The following SPRR1A variants were observed in gnomAD, a reference collection of about 807,000 sequenced individuals.
The protein encoded by SPRR1A is cornifin-A.
For synonymous variants in SPRR1A, 40 were observed against 39.2 expected, an observed-to-expected ratio of 1.02 and a Z score of -0.07; for missense variants, 123 against 105.4, an observed-to-expected ratio of 1.17 and a Z score of -0.73.
At chr1:152,985,090 G>T, upstream of SPRR1A, 1 of 1,185,124 alleles carries the variant, frequency 8.4e-7, no homozygotes, top group South Asian at 1.7e-5. Context: ...TAAATGTAAT[G>T]GGGGAGTTAA....
chr1:152,985,221 C>CTGAG, upstream of SPRR1A: 1 of 1,594,170 alleles, frequency 6.3e-7, no homozygotes, highest in Non-Finnish European at 8.5e-7. Flanking sequence ...GAAAAAAACA[C>CTGAG]ATTTGAAGCA....
downstream of SPRR1A, chr1:152,985,501 T>C (rs1440890319): frequency 3.1e-6 from 5 of 1,611,884 alleles, no homozygotes; most frequent in Non-Finnish European, 4.2e-6. Flanking sequence ...GCAGAAGTAA[T>C]GTGGTCCACA....
chr1:152,984,441 C>G (rs1022524758), upstream of SPRR1A, among the ~76,000 whole-genome samples: 15 of 152,066 alleles, frequency 9.9e-5, no homozygotes, highest in African/African-American at 3.6e-4. Flanking sequence ...TTCCCCCTGA[C>G]AAGATATTTA....
chr1:152,985,292 T>G (rs1570948637), exon 1 of SPRR1A: 2 of 1,613,290 alleles, frequency 1.2e-6, no homozygotes, highest in Non-Finnish European at 1.7e-6. Flanking sequence ...CAGCAGCAGG[T>G]GAAACAACCT....
upstream of SPRR1A, chr1:152,985,110 A>C (rs1014719112): frequency 7.2e-7 from 1 of 1,381,192 alleles, no homozygotes; most frequent in Non-Finnish European, 9.8e-7. Context: ...AGGGAGATGA[A>C]AGGCTTTCTC....
downstream of SPRR1A, chr1:152,985,548 C>T: frequency 6.4e-7 from 1 of 1,562,858 alleles, no homozygotes; most frequent in Middle Eastern, 1.7e-4. Flanking sequence ...GGATACTGAA[C>T]ACCCTACTCC....
chr1:152,985,655 C>G (rs908697260), downstream of SPRR1A, among the ~76,000 whole-genome samples: 1 of 152,154 alleles, frequency 6.6e-6, no homozygotes, highest in African/African-American at 2.4e-5. Flanking sequence ...AAAGATGTCC[C>G]TTACCCTCAT....
upstream of SPRR1A, among the ~76,000 whole-genome samples, chr1:152,984,113 C>T (rs1165680880): frequency 6.6e-6 from 1 of 152,134 alleles, no homozygotes; most frequent in African/African-American, 2.4e-5. Context: ...GCCCATTCTG[C>T]TCCGTATACC....
chr1:152,985,150 T>C (rs1252758113), upstream of SPRR1A: 1 of 1,519,178 alleles, frequency 6.6e-7, no homozygotes, highest in African/African-American at 1.4e-5. Flanking sequence ...AAAATCTGTT[T>C]GGCATTGAAT....
upstream of SPRR1A, among the ~76,000 whole-genome samples, chr1:152,984,402 G>A (rs889688277): frequency 6.6e-6 from 1 of 152,102 alleles, no homozygotes; most frequent in South Asian, 2.1e-4. Context: ...TAGAACTCAG[G>A]CCCAGAGCAC....
upstream of SPRR1A, among the ~76,000 whole-genome samples, chr1:152,984,201 G>A (rs985679065): frequency 6.6e-6 from 1 of 152,198 alleles, no homozygotes; most frequent in Non-Finnish European, 1.5e-5. Context: ...AGGCAAATAT[G>A]TGTAAGCAGG....
chr1:152,985,390 C>T, exon 1 of SPRR1A: 2 of 1,571,048 alleles, frequency 1.3e-6, no homozygotes, highest in Non-Finnish European at 1.7e-6. Flanking sequence ...CCCCAAAGTG[C>T]CTGAGCCCTG....
At chr1:152,984,963 T>G (rs1611759), upstream of SPRR1A, among the ~76,000 whole-genome samples, 90,962 of 151,912 alleles carry the variant, frequency 0.6, 28,031 homozygotes, top group African/African-American at 0.75. Context: ...CAGATATAAG[T>G]TGCCTTGGGT....
chr1:152,985,325 C>A, exon 1 of SPRR1A: 1 of 1,613,852 alleles, frequency 6.2e-7, no homozygotes, highest in African/African-American at 1.3e-5. Flanking sequence ...CCCCAGGAAC[C>A]ATGCATCCCC....
chr1:152,985,411 G>T lies in SPRR1A; in HGVS notation c.181G>T (p.Val61Phe), dbSNP rs1611764. Residue 61 changes from valine (V) to phenylalanine (F), a missense_variant, in exon 1 of 1, where the codon GTT becomes TTT. Val to Phe is a conservative substitution (Grantham distance 50). Coordinates refer to ENST00000368762, the Ensembl canonical transcript of SPRR1A. ...AGTGCCTGAGCCCTGCCAGCCCAAG[G>T]TTCCAGAGCCCTGCCAGCCCAAGGT... 8.7e-4 allele frequency: 1,386 copies of T among 1,599,166 alleles called. 15 individuals carry two copies. The African/African-American group carries it at 0.017, about 20-fold the overall frequency.
At chr1:152,985,372 C>T in exon 1 of SPRR1A, 1 of 1,572,702 alleles carries the variant, frequency 6.4e-7, no homozygotes, top group South Asian at 1.1e-5. Context: ...GGTGCCTGAG[C>T]CCTGCCACCC....
chr1:152,985,655 C>T (rs908697260), downstream of SPRR1A, among the ~76,000 whole-genome samples: 1 of 152,154 alleles, frequency 6.6e-6, no homozygotes, highest in African/African-American at 2.4e-5. Context: ...AAAGATGTCC[C>T]TTACCCTCAT....
chr1:152,985,505 G>T (rs757658673), downstream of SPRR1A: 4 of 1,610,172 alleles, frequency 2.5e-6, no homozygotes, highest in Non-Finnish European at 3.4e-6. Flanking sequence ...AAGTAATGTG[G>T]TCCACAGCCA....
downstream of SPRR1A, chr1:152,985,519 C>T: frequency 1.3e-6 from 2 of 1,599,940 alleles, no homozygotes; most frequent in Admixed American, 1.7e-5. Context: ...ACAGCCATGC[C>T]CTTGAGGAGC....
Sources: gnomAD v4.1 joint callset for allele counts (sites outside exome capture counted in the v4.1 genomes callset) on GRCh38, gnomAD v4.1.1 for gene constraint, MANE v1.5 for transcripts, NCBI Gene and HGNC (gene_info 2026-07-23, HGNC 2026-07-21) for gene names.